The following AUTS2 variants were observed in gnomAD, a reference collection of about 807,000 sequenced individuals.
AUTS2 encodes activator of transcription and developmental regulator AUTS2.
AUTS2 carries 17 observed loss-of-function variants against 112.4 expected under a neutral mutation model. That is an observed-to-expected ratio of 0.15 (90% CI 0.10 to 0.23). The LOEUF is 0.23. Ranked by LOEUF, AUTS2 falls within the 10% of genes least tolerant of loss-of-function variation. The pLI is 1.00. For synonymous variants in AUTS2, 751 were observed against 702.7 expected, an observed-to-expected ratio of 1.07 and a Z score of -1.09; for missense variants, 1,510 against 1,701.6, an observed-to-expected ratio of 0.89 and a Z score of 1.98.
chr7:69,795,632 T>C (rs1789808748), intron 1 of AUTS2, among the ~76,000 whole-genome samples: 1 of 152,208 alleles, frequency 6.6e-6, no homozygotes, highest in South Asian at 2.1e-4. Context: ...ATGAGAGCAG[T>C]GGCAGCAGAC....
At chr7:69,716,820 CG>C (rs796330931) in intron 1 of AUTS2, among the ~76,000 whole-genome samples, 4 of 151,782 alleles carry the variant, frequency 2.6e-5, no homozygotes, top group East Asian at 3.9e-4. Context: ...TCAGAGAACC[CG>C]GGGGGGAAAA....
intron 5 of AUTS2, among the ~76,000 whole-genome samples, chr7:70,615,766 T>C (rs1008866297): frequency 9.2e-5 from 14 of 152,070 alleles, no homozygotes; most frequent in African/African-American, 3.1e-4. Context: ...TTCAAATTTT[T>C]TTTTTGTCTT....
intron 4 of AUTS2, among the ~76,000 whole-genome samples, chr7:70,419,818 G>A (rs1160136874): frequency 6.6e-6 from 1 of 152,166 alleles, no homozygotes; most frequent in African/African-American, 2.4e-5. Context: ...GATTGATGAA[G>A]AGAAATATAT....
intron 5 of AUTS2, among the ~76,000 whole-genome samples, chr7:70,676,685 T>G (rs1807929022): frequency 2.0e-5 from 3 of 152,152 alleles, no homozygotes; most frequent in Admixed American, 2.0e-4. Flanking sequence ...GAGACCAGCC[T>G]GGGCAACATG....
At chr7:69,952,134 T>C (rs1256082647) in intron 2 of AUTS2, among the ~76,000 whole-genome samples, 1 of 152,172 alleles carries the variant, frequency 6.6e-6, no homozygotes, top group Non-Finnish European at 1.5e-5. Context: ...TCTCAAGGGC[T>C]AATATTTATA....
intron 4 of AUTS2, among the ~76,000 whole-genome samples, chr7:70,214,791 T>C (rs1472115341): frequency 6.6e-6 from 1 of 152,236 alleles, no homozygotes; most frequent in Non-Finnish European, 1.5e-5. Context: ...TAATATTTTC[T>C]AGACTTATTA....
chr7:69,699,686 C>T (rs1027899820), intron 1 of AUTS2, among the ~76,000 whole-genome samples: 5 of 148,156 alleles, frequency 3.4e-5, no homozygotes, highest in Non-Finnish European at 5.9e-5. Flanking sequence ...TCACTCTTGC[C>T]CAGGCTGGGG....
intron 2 of AUTS2, among the ~76,000 whole-genome samples, chr7:69,902,269 T>G (rs992900212): frequency 6.6e-6 from 1 of 152,190 alleles, no homozygotes; most frequent in Non-Finnish European, 1.5e-5. Flanking sequence ...AAAGCTTGTC[T>G]GAAGAATACT....
At chr7:69,685,792 A>C (rs1174607046) in intron 1 of AUTS2, among the ~76,000 whole-genome samples, 1 of 151,682 alleles carries the variant, frequency 6.6e-6, no homozygotes, top group African/African-American at 2.4e-5. Context: ...TCCTGAGCTC[A>C]AGTGATCCTC....
intron 1 of AUTS2, among the ~76,000 whole-genome samples, chr7:69,758,412 A>G (rs1788029998): frequency 6.6e-6 from 1 of 152,280 alleles, no homozygotes; most frequent in African/African-American, 2.4e-5. Context: ...CTTAGTTGTT[A>G]TTAAGTGAAT....
rs367719968 is a variant in AUTS2, at chr7:70,128,524, AG to A, written c.625-6010del. Among the ~76,000 whole-genome samples, 27 of 152,336 alleles carry A rather than the reference AG, an allele frequency of 1.8e-4. No individual in the cohort carries two copies. In the East Asian group the frequency reaches 3.3e-3, roughly 19 times the overall value. ...TAAAGAAAAGAAGGTAGACAGGTGA[AG>A]GTCTATGGGAAGAACATTCTGGGCA... is the stretch of plus-strand genomic sequence containing the variant. On this transcript the variant is annotated intron_variant, in intron 3 of 18. Transcript: ENST00000342771.
intron 1 of AUTS2, among the ~76,000 whole-genome samples, chr7:69,615,311 A>AT (rs202137961): frequency 6.6e-5 from 10 of 150,942 alleles, no homozygotes; most frequent in South Asian, 2.1e-4. Flanking sequence ...CTTTAGCATT[A>AT]TTTTTTTTTG....
At chr7:70,781,380 A>C (rs1791064216) in intron 14 of AUTS2, 1 of 362,156 alleles carries the variant, frequency 2.8e-6, no homozygotes, top group Non-Finnish European at 4.8e-6. Flanking sequence ...AAAAAAAAAA[A>C]AAAACCAGAC....
chr7:70,538,639 G>A (rs1347993241), intron 5 of AUTS2, among the ~76,000 whole-genome samples: 1 of 152,206 alleles, frequency 6.6e-6, no homozygotes, highest in Non-Finnish European at 1.5e-5. Flanking sequence ...AAAGGTTGTT[G>A]ATTTATGAAC....
intron 5 of AUTS2, among the ~76,000 whole-genome samples, chr7:70,663,873 A>G (rs1326163962): frequency 3.9e-5 from 6 of 152,184 alleles, no homozygotes; most frequent in Non-Finnish European, 8.8e-5. Context: ...AGTGGACCAT[A>G]ATCACTACCA....
chr7:70,248,248 A>G (rs1813031374), intron 4 of AUTS2, among the ~76,000 whole-genome samples: 1 of 152,056 alleles, frequency 6.6e-6, no homozygotes, highest in Admixed American at 6.6e-5. Flanking sequence ...AGCTGGGACT[A>G]CAGGCACCCA....
intron 4 of AUTS2, among the ~76,000 whole-genome samples, chr7:70,165,961 G>C (rs950830076): frequency 6.6e-6 from 1 of 152,144 alleles, no homozygotes; most frequent in African/African-American, 2.4e-5. Context: ...TCTCATGATA[G>C]CGAGTGAGTT....
At chr7:69,975,234 CCTT>C (rs1446318787) in intron 2 of AUTS2, among the ~76,000 whole-genome samples, 3 of 152,022 alleles carry the variant, frequency 2.0e-5, no homozygotes, top group Non-Finnish European at 2.9e-5. Context: ...CATCCACTAT[CCTT>C]CTTTTGTCTA....
chr7:70,134,398 G>T (rs1472873380), intron 3 of AUTS2, 138 bp from the exon 4 acceptor site: 7 of 695,616 alleles, frequency 1.0e-5, no homozygotes, highest in Non-Finnish European at 1.8e-5. Context: ...ATCAGTAGCA[G>T]ATGACAAGGG....
Sources: allele counts gnomAD v4.1 joint callset (sites outside exome capture counted in the v4.1 genomes callset), GRCh38; gene constraint gnomAD v4.1.1; transcripts MANE v1.5; gene names NCBI Gene and HGNC (gene_info 2026-07-23, HGNC 2026-07-21).